Variants in AGBL1 observed in about 807,000 individuals in gnomAD.
AGBL1 encodes the protein AGBL carboxypeptidase 1.
Under a neutral mutation model 118.9 loss-of-function variants are expected in AGBL1, and 130 were observed. The ratio of observed to expected loss-of-function variants is 1.09; its 90% confidence interval spans 0.95 to 1.26. The LOEUF is 1.26. Among genes scored for constraint, AGBL1 ranks in the 50% most tolerant of loss-of-function variants. The pLI, the probability that AGBL1 is intolerant of heterozygous loss-of-function variation, is 0.00. For synonymous variants in AGBL1, 555 were observed against 478.9 expected, an observed-to-expected ratio of 1.16 and a Z score of -2.08; for missense variants, 1,584 against 1,298.1, an observed-to-expected ratio of 1.22 and a Z score of -3.38.
At chr15:86,195,352 T>A (rs1229993284) in intron 5 of AGBL1, among the ~76,000 whole-genome samples, 2 of 152,172 alleles carry the variant, frequency 1.3e-5, no homozygotes, top group South Asian at 2.1e-4. Context: ...GACACACACA[T>A]ACATGTGTGT....
At chr15:86,935,624 T>G (rs1454123691) in intron 23 of AGBL1, among the ~76,000 whole-genome samples, 1 of 152,192 alleles carries the variant, frequency 6.6e-6, no homozygotes, top group Non-Finnish European at 1.5e-5. Context: ...ATTTTTCAGT[T>G]TCCCATGCTC....
intron 17 of AGBL1, among the ~76,000 whole-genome samples, chr15:86,359,131 T>G (rs961963849): frequency 6.6e-6 from 1 of 151,960 alleles, no homozygotes; most frequent in Admixed American, 6.6e-5. Context: ...TCTTAGTTTC[T>G]TCTAGTATTT....
intron 24 of AGBL1, among the ~76,000 whole-genome samples, chr15:87,012,921 G>A (rs1312969456): frequency 6.6e-6 from 1 of 152,098 alleles, no homozygotes; most frequent in Non-Finnish European, 1.5e-5. Flanking sequence ...TCTGAGTTGA[G>A]AGATAATTGG....
intron 23 of AGBL1, among the ~76,000 whole-genome samples, chr15:86,934,191 G>C (rs761612434): frequency 6.6e-6 from 1 of 152,208 alleles, no homozygotes; most frequent in Non-Finnish European, 1.5e-5. Context: ...AGAGGAGTAA[G>C]TGAATTCACC....
At chr15:86,187,566 A>G (rs1229225623) in intron 5 of AGBL1, among the ~76,000 whole-genome samples, 1 of 152,192 alleles carries the variant, frequency 6.6e-6, no homozygotes, top group Non-Finnish European at 1.5e-5. Context: ...CACCTTAAAA[A>G]CAGGTATAAT....
At chr15:86,511,640 T>G (rs1352264739) in intron 18 of AGBL1, among the ~76,000 whole-genome samples, 1 of 151,994 alleles carries the variant, frequency 6.6e-6, no homozygotes, top group East Asian at 1.9e-4. Context: ...CTAGGGTTGT[T>G]GTGAAGATCC....
chr15:86,384,567 ATAT>A (rs1381083547), intron 17 of AGBL1, among the ~76,000 whole-genome samples: 1 of 132,396 alleles, frequency 7.6e-6, no homozygotes, highest in African/African-American at 2.9e-5. Flanking sequence ...TATTCCCAGC[ATAT>A]TATAATATAA....
intron 18 of AGBL1, among the ~76,000 whole-genome samples, chr15:86,474,462 G>T (rs182620548): frequency 4.5e-4 from 68 of 152,284 alleles, no homozygotes; most frequent in Non-Finnish European, 7.8e-4. Context: ...CCACACCCAC[G>T]GAGCCTCACT....
At chr15:86,970,731 G>A (rs967445776) in intron 23 of AGBL1, among the ~76,000 whole-genome samples, 1 of 151,908 alleles carries the variant, frequency 6.6e-6, no homozygotes, top group African/African-American at 2.4e-5. Flanking sequence ...ACCACATTCA[G>A]TTTCCATATG....
intron 22 of AGBL1, among the ~76,000 whole-genome samples, chr15:86,703,835 A>C (rs1314102864): frequency 6.6e-6 from 1 of 152,022 alleles, no homozygotes; most frequent in African/African-American, 2.4e-5. Flanking sequence ...GAGTCAATTA[A>C]ATCTCTTTTT....
intron 22 of AGBL1, among the ~76,000 whole-genome samples, chr15:86,830,179 G>A (rs1402639148): frequency 5.3e-5 from 8 of 151,966 alleles, no homozygotes; most frequent in Non-Finnish European, 1.0e-4. Context: ...AAGTTTTAAA[G>A]AATACAATTT....
At chr15:86,201,808 G>T (rs1019266438) in intron 5 of AGBL1, among the ~76,000 whole-genome samples, 1 of 152,154 alleles carries the variant, frequency 6.6e-6, no homozygotes, top group Admixed American at 6.5e-5. Flanking sequence ...AATCTGTCAT[G>T]TCAGCTACTT....
At chr15:86,670,600 G>GACACAC (rs9302341) in intron 21 of AGBL1, among the ~76,000 whole-genome samples, 17,612 of 132,928 alleles carry the variant, frequency 0.13, 1,322 homozygotes, top group East Asian at 0.21. Flanking sequence ...GTGAAACTCT[G>GACACAC]ACACACACAC....
intron 18 of AGBL1, among the ~76,000 whole-genome samples, chr15:86,504,876 G>T (rs1339853384): frequency 6.6e-6 from 1 of 151,600 alleles, no homozygotes; most frequent in Non-Finnish European, 1.5e-5. Flanking sequence ...TTTAAATGTG[G>T]ATTCTTGTTA....
At chr15:86,395,406 T>G (rs947092647) in intron 17 of AGBL1, among the ~76,000 whole-genome samples, 1 of 152,098 alleles carries the variant, frequency 6.6e-6, no homozygotes, top group Non-Finnish European at 1.5e-5. Context: ...CCATCACATC[T>G]TTGGAAATGG....
downstream of AGBL1, among the ~76,000 whole-genome samples, chr15:86,920,881 T>A (rs972356890): frequency 2.0e-5 from 3 of 152,192 alleles, no homozygotes; most frequent in African/African-American, 7.2e-5. Flanking sequence ...AGCTGGGATG[T>A]GAACATGGTG....
At chr15:86,689,248 A>C (rs745864760) in intron 22 of AGBL1, among the ~76,000 whole-genome samples, 12 of 152,096 alleles carry the variant, frequency 7.9e-5, no homozygotes, top group Non-Finnish European at 1.5e-4. Context: ...TCTCAGCTTA[A>C]ATGTCATAAT....
chr15:86,190,234 A>G (rs979587500), intron 5 of AGBL1, among the ~76,000 whole-genome samples: 2 of 152,164 alleles, frequency 1.3e-5, no homozygotes, highest in African/African-American at 2.4e-5. Flanking sequence ...AGAGAATTTA[A>G]AAAGATTTAA....
intron 19 of AGBL1, among the ~76,000 whole-genome samples, chr15:86,531,845 G>A (rs889110291): frequency 6.9e-6 from 1 of 145,614 alleles, no homozygotes; most frequent in African/African-American, 2.6e-5. Flanking sequence ...TATAAACAGA[G>A]TCAAAGACAA....
Sources: gnomAD v4.1 joint callset for allele counts (sites outside exome capture counted in the v4.1 genomes callset) on GRCh38, gnomAD v4.1.1 for gene constraint, MANE v1.5 for transcripts, NCBI Gene and HGNC (gene_info 2026-07-23, HGNC 2026-07-21) for gene names.